KIAA0319: variants seen among roughly 807,000 people sequenced by gnomAD.
KIAA0319 encodes the protein dyslexia-associated protein KIAA0319.
KIAA0319 carries 83 observed loss-of-function variants against 108.4 expected under a neutral mutation model. The ratio of observed to expected loss-of-function variants is 0.77; its 90% CI spans 0.64 to 0.92. The LOEUF (loss-of-function observed/expected upper bound fraction) is 0.92, where lower values mean the gene tolerates loss of function less well. Ranked by LOEUF, KIAA0319 falls within the 40% of genes least tolerant of loss-of-function variation. The pLI is 0.00. For synonymous variants in KIAA0319, 484 were observed against 510.4 expected, an observed-to-expected ratio of 0.95 and a Z score of 0.70; for missense variants, 1,195 against 1,322.4, an observed-to-expected ratio of 0.90 and a Z score of 1.49.
chr6:24,640,119 AT>A lies in KIAA0319; in HGVS notation c.-106+5616del, dbSNP rs541097477. ...TAATAGTTGTATATATTTTGAGGGT[AT>A]TTTGGTACATGCATACAATGTGTAA... On this transcript the variant is annotated intron_variant, in intron 1 of 20. Coordinates refer to ENST00000378214, the MANE Select transcript of KIAA0319 (RefSeq NM_014809.4). Among the ~76,000 whole-genome samples the A allele has an allele frequency of 2.0e-4, 30 of 152,278 alleles. No individual in the cohort carries two copies. The East Asian group carries it at 5.6e-3, about 28-fold the overall frequency.
chr6:24,643,131 G>T (rs62400760), intron 1 of KIAA0319, among the ~76,000 whole-genome samples: 4,361 of 152,186 alleles, frequency 0.029, 71 homozygotes, highest in Non-Finnish European at 0.038. Context: ...TTACCTACTG[G>T]TGTCATTTAA....
intron 1 of KIAA0319, among the ~76,000 whole-genome samples, chr6:24,609,281 A>G (rs865896364): frequency 2.0e-5 from 3 of 148,866 alleles, no homozygotes; most frequent in African/African-American, 7.4e-5. Context: ...AACAAAAAAA[A>G]AAAAAAAAGA....
At chr6:24,540,151 A>C (rs1410312172), downstream of KIAA0319, among the ~76,000 whole-genome samples, 1 of 152,220 alleles carries the variant, frequency 6.6e-6, no homozygotes, top group Non-Finnish European at 1.5e-5. Context: ...TTTAATAAGT[A>C]GAAGGAGTAC....
At chr6:24,598,879 A>G (rs1770159686) in intron 2 of KIAA0319, 2 of 320,030 alleles carry the variant, frequency 6.2e-6, no homozygotes, top group Non-Finnish European at 1.2e-5. Flanking sequence ...ACTGCATTTA[A>G]AAAAAAAATA....
chr6:24,569,825 A>T, intron 12 of KIAA0319, 78 bp downstream of exon 12: 1 of 1,522,852 alleles, frequency 6.6e-7, no homozygotes, highest in Non-Finnish European at 8.9e-7. Context: ...CTGATTGTTT[A>T]CTACAGATCC....
At chr6:24,577,212 C>A (rs1011110894) in intron 9 of KIAA0319, among the ~76,000 whole-genome samples, 1 of 152,168 alleles carries the variant, frequency 6.6e-6, no homozygotes, top group South Asian at 2.1e-4. Context: ...CCTCACCCAA[C>A]ACAGATGCCA....
chr6:24,607,177 G>T (rs971737849), intron 1 of KIAA0319, among the ~76,000 whole-genome samples: 1 of 152,166 alleles, frequency 6.6e-6, no homozygotes, highest in Non-Finnish European at 1.5e-5. Flanking sequence ...CCAACATGGT[G>T]AAACCCTATC....
chr6:24,574,205 G>A lies in KIAA0319; in HGVS notation c.1735-1507C>T, dbSNP rs113476825. On this transcript the variant is annotated intron_variant, in intron 10 of 20. Transcript: ENST00000378214. ...TCCTAGCACTTAGGGAGGCCAAGGC[G>A]AGAAGATTTCTTGAGCCCAGGAGTT... 3.1e-3 allele frequency among the ~76,000 whole-genome samples: 475 copies of A among 152,216 alleles called. 4 individuals are homozygous for A. The highest frequency in any genetic ancestry group is 7.8e-3 in the African/African-American group (324 of 41,546).
chr6:24,562,011 A>G (rs1430475097), intron 16 of KIAA0319, among the ~76,000 whole-genome samples: 5 of 152,058 alleles, frequency 3.3e-5, no homozygotes. Context: ...CCACCTGGCA[A>G]GTTTTTTGTG....
At chr6:24,595,202 G>A (rs552337467) in intron 3 of KIAA0319, among the ~76,000 whole-genome samples, 4 of 152,080 alleles carry the variant, frequency 2.6e-5, no homozygotes, top group Non-Finnish European at 4.4e-5. Context: ...AAAGCCCCTG[G>A]GTGTATGTGC....
At chr6:24,618,494 G>C (rs1190954031) in intron 1 of KIAA0319, among the ~76,000 whole-genome samples, 1 of 151,892 alleles carries the variant, frequency 6.6e-6, no homozygotes. Flanking sequence ...TGCACTTGTA[G>C]TCCCTGCTAC....
intron 20 of KIAA0319, among the ~76,000 whole-genome samples, chr6:24,549,575 AC>A (rs1169011555): frequency 6.6e-6 from 1 of 151,964 alleles, no homozygotes; most frequent in Non-Finnish European, 1.5e-5. Context: ...CCCAGCCTCC[AC>A]CCCACCTTCA....
At chr6:24,600,910 C>T in intron 2 of KIAA0319, 139 bp downstream of exon 2, 1 of 1,129,994 alleles carries the variant, frequency 8.8e-7, no homozygotes, top group Non-Finnish European at 1.3e-6. Context: ...ATGAGGTCTG[C>T]CTTTCATGCT....
In KIAA0319 at chr6:24,566,669, A is replaced by C; in HGVS notation, c.2220T>G (p.Gly740=). The C allele has an allele frequency of 1.2e-6, 2 of 1,613,734 alleles. No individual in the cohort carries two copies. The highest frequency in any genetic ancestry group is 2.2e-5 in the South Asian group (2 of 90,948). The part of the protein sequence containing the change: ...VLPNNSITLD[G]SRSTDDQRIV... ...TTCTTTGGTCATCAGTAGACCTTGA[A>C]CCATCCAAAGTAATGGAATTATTGG... Residue 740 remains glycine (G), a synonymous_variant, in exon 14 of 21, where the codon GGT becomes GGG. Transcript: ENST00000378214.
chr6:24,580,216 G>A (rs372520169), intron 7 of KIAA0319, among the ~76,000 whole-genome samples: 1 of 152,164 alleles, frequency 6.6e-6, no homozygotes, highest in Admixed American at 6.5e-5. Context: ...ATCACAGAAT[G>A]TGAGCAGTAA....
At chr6:24,576,117 C>A (rs990837027) in intron 10 of KIAA0319, among the ~76,000 whole-genome samples, 10 of 152,186 alleles carry the variant, frequency 6.6e-5, no homozygotes, top group Admixed American at 4.6e-4. Context: ...TTTTCCCAAA[C>A]CGATCTCAAG....
chr6:24,623,046 GAAA>G (rs540546428), intron 1 of KIAA0319, among the ~76,000 whole-genome samples: 5 of 143,276 alleles, frequency 3.5e-5, no homozygotes, highest in African/African-American at 1.3e-4. Flanking sequence ...CTCATTAAAA[GAAA>G]AAAAAAAGAG....
chr6:24,625,413 CAAAT>C (rs1774569725), intron 1 of KIAA0319, among the ~76,000 whole-genome samples: 1 of 152,034 alleles, frequency 6.6e-6, no homozygotes, highest in African/African-American at 2.4e-5. Flanking sequence ...TATTCATTCT[CAAAT>C]ATTTATTGAT....
intron 5 of KIAA0319, among the ~76,000 whole-genome samples, 200 bp downstream of exon 5, chr6:24,583,404 A>T (rs1766926624): frequency 6.6e-6 from 1 of 152,184 alleles, no homozygotes; most frequent in African/African-American, 2.4e-5. Flanking sequence ...ACTGTATTTA[A>T]TTTCCTAGAT....
Sources: allele counts gnomAD v4.1 joint callset (sites outside exome capture counted in the v4.1 genomes callset), GRCh38; gene constraint gnomAD v4.1.1; transcripts MANE v1.5; gene names NCBI Gene and HGNC (gene_info 2026-07-23, HGNC 2026-07-21).